The following SLC24A3 variants were observed in gnomAD, a reference collection of about 807,000 sequenced individuals.
The protein encoded by SLC24A3 is solute carrier family 24 member 3, also known as sodium/potassium/calcium exchanger 3.
A neutral mutation model predicts 75.8 loss-of-function variants in SLC24A3; 28 were observed. The observed-to-expected ratio is 0.37, with a 90% CI of 0.27 to 0.51. SLC24A3 has a LOEUF of 0.51. SLC24A3 is among the 20% of genes least tolerant of loss of function. The probability of loss-of-function intolerance (pLI) is 0.94; values close to 1 mark genes in which losing one functional copy is unlikely to be tolerated. For missense variants in SLC24A3, 663 were observed against 847.8 expected (o/e 0.78, Z 2.71); for synonymous variants, 372 against 334.1 (o/e 1.11, Z -1.24).
At chr20:19,446,536 C>T (rs1318232902) in intron 2 of SLC24A3, among the ~76,000 whole-genome samples, 1 of 152,130 alleles carries the variant, frequency 6.6e-6, no homozygotes, top group Non-Finnish European at 1.5e-5. Flanking sequence ...TAAAGGATGG[C>T]GTTACTCTTA....
intron 2 of SLC24A3, among the ~76,000 whole-genome samples, chr20:19,502,667 G>T (rs1484707020): frequency 2.0e-5 from 3 of 151,912 alleles, no homozygotes; most frequent in Non-Finnish European, 2.9e-5. Context: ...ACTCAACACT[G>T]TTCAGAGGAA....
chr20:19,526,732 G>C (rs1466560485), intron 3 of SLC24A3, among the ~76,000 whole-genome samples: 11 of 152,160 alleles, frequency 7.2e-5, no homozygotes, highest in Admixed American at 6.5e-4. Context: ...CCCCAGCCTT[G>C]CTGTTTTTTA....
At position 19,400,515 on chromosome 20, in the gene SLC24A3, C is replaced by T. The variant is rs544500886; in HGVS notation, c.272-114973C>T. On this transcript the variant is annotated intron_variant, in intron 2 of 16. Transcript: ENST00000328041. Reference sequence around the variant, plus strand: ...CGGGCGCTGTGACCTCTAACCTCTTCGAGTGGTTCTTTCCCAGGTAGGCTC... The same window carrying T: ...CGGGCGCTGTGACCTCTAACCTCTTTGAGTGGTTCTTTCCCAGGTAGGCTC... 4.5e-4 allele frequency among the ~76,000 whole-genome samples: 68 copies of T among 152,262 alleles called. 1 individual carries two copies. The highest frequency in any genetic ancestry group is 1.5e-3 in the African/African-American group (64 of 41,550).
At chr20:19,710,247 T>C (rs918081606) in intron 15 of SLC24A3, among the ~76,000 whole-genome samples, 8 of 152,208 alleles carry the variant, frequency 5.3e-5, no homozygotes, top group Admixed American at 1.3e-4. Context: ...TAAACTGTAG[T>C]ATTAGGGAAA....
intron 2 of SLC24A3, among the ~76,000 whole-genome samples, chr20:19,507,192 T>C (rs115331543): frequency 9.9e-4 from 151 of 152,382 alleles, no homozygotes; most frequent in African/African-American, 3.5e-3. Context: ...GTGATTTGTG[T>C]GCCAGGTATT....
At chr20:19,511,685 A>G (rs1384204466) in intron 2 of SLC24A3, among the ~76,000 whole-genome samples, 1 of 152,126 alleles carries the variant, frequency 6.6e-6, no homozygotes, top group Non-Finnish European at 1.5e-5. Flanking sequence ...TCAAATGATA[A>G]TGCATATCTA....
chr20:19,336,442 G>C (rs1285302298), intron 2 of SLC24A3, among the ~76,000 whole-genome samples: 2 of 151,228 alleles, frequency 1.3e-5, no homozygotes, highest in Admixed American at 6.6e-5. Context: ...TGTCACCCAG[G>C]CTGGCATGCC....
chr20:19,463,233 C>T (rs545648166), intron 2 of SLC24A3, among the ~76,000 whole-genome samples: 1 of 152,182 alleles, frequency 6.6e-6, no homozygotes, highest in African/African-American at 2.4e-5. Context: ...TTCTCTCTAT[C>T]GTAAACACAC....
rs2032675545 is a variant in SLC24A3 at position 19,686,381 on chromosome 20, TCACCC to T, written c.1324+1031_1324+1035del. Among the ~76,000 whole-genome samples the T allele has an allele frequency of 1.3e-5, 2 of 152,166 alleles. 1 individual carries two copies. The highest frequency in any genetic ancestry group is 4.2e-4 in the South Asian group (2 of 4,816). ...GGACTTGGTTGTTCCAGAAACTGTT[TCACCC>T]CACCCCACCCATTATCAGAGCAGGT... On this transcript the variant is annotated intron_variant, in intron 12 of 16. Coordinates refer to ENST00000328041, the MANE Select transcript of SLC24A3 (RefSeq NM_020689.4).
At chr20:19,718,020 C>T (rs1018123856) in intron 16 of SLC24A3, among the ~76,000 whole-genome samples, 10 of 152,160 alleles carry the variant, frequency 6.6e-5, no homozygotes, top group African/African-American at 2.4e-4. Flanking sequence ...GCCATTACGC[C>T]CACTTGCGTA....
intron 3 of SLC24A3, among the ~76,000 whole-genome samples, chr20:19,518,431 G>C (rs1410790650): frequency 1.3e-5 from 2 of 152,236 alleles, no homozygotes; most frequent in African/African-American, 4.8e-5. Context: ...GTGCTGTGCT[G>C]TGGGAGCTTA....
At position 19,572,467 on chromosome 20, in the gene SLC24A3, T is replaced by G. The variant is rs2031068598; in HGVS notation, c.349-7533T>G. 3.3e-5 allele frequency among the ~76,000 whole-genome samples: 5 copies of G among 151,838 alleles called. No homozygotes were observed. The South Asian group carries it at 1.1e-3, about 32-fold the overall frequency. ...TGGAGACAGCCTAGAGTTAGCCCAC[T>G]CAGGGGTACTGATATGCCAACTCTC... On this transcript the variant is annotated intron_variant, in intron 3 of 16. Transcript: ENST00000328041.
chr20:19,665,561 TC>T (rs1464015370), intron 7 of SLC24A3, among the ~76,000 whole-genome samples: 1 of 152,172 alleles, frequency 6.6e-6, no homozygotes, highest in African/African-American at 2.4e-5. Context: ...TAGTCACACT[TC>T]CCTGTCACTC....
intron 1 of SLC24A3, among the ~76,000 whole-genome samples, chr20:19,262,455 C>T (rs1315799446): frequency 1.3e-5 from 2 of 151,232 alleles, no homozygotes; most frequent in African/African-American, 4.9e-5. Flanking sequence ...ACATCAGTAG[C>T]TCTCTCTGAT....
At chr20:19,344,713 C>T (rs921390666) in intron 2 of SLC24A3, among the ~76,000 whole-genome samples, 4 of 152,162 alleles carry the variant, frequency 2.6e-5, no homozygotes, top group South Asian at 2.1e-4. Context: ...TATTGGTTGA[C>T]GTTTGCTTCT....
chr20:19,601,220 T>G (rs934529297), intron 6 of SLC24A3, among the ~76,000 whole-genome samples: 4 of 152,204 alleles, frequency 2.6e-5, no homozygotes, highest in African/African-American at 4.8e-5. Context: ...TGGCTTGGGC[T>G]TTCTGCCCAG....
At chr20:19,346,061 A>G (rs1985390162) in intron 2 of SLC24A3, among the ~76,000 whole-genome samples, 2 of 84,210 alleles carry the variant, frequency 2.4e-5, no homozygotes, top group African/African-American at 1.2e-4. Context: ...GAATAAAGAA[A>G]ACTATATATA....
intron 2 of SLC24A3, among the ~76,000 whole-genome samples, chr20:19,418,686 A>G (rs1442076778): frequency 1.3e-5 from 2 of 151,130 alleles, no homozygotes; most frequent in East Asian, 3.9e-4. Flanking sequence ...AATATAATAT[A>G]TAATATAATA....
At chr20:19,582,179 C>T (rs1412623324) in intron 4 of SLC24A3, among the ~76,000 whole-genome samples, 3 of 152,222 alleles carry the variant, frequency 2.0e-5, no homozygotes, top group Admixed American at 2.0e-4. Flanking sequence ...TACACTTTCT[C>T]ACAAGATGAG....
Sources: gnomAD v4.1 joint callset for allele counts (sites outside exome capture counted in the v4.1 genomes callset) on GRCh38, gnomAD v4.1.1 for gene constraint, MANE v1.5 for transcripts, NCBI Gene and HGNC (gene_info 2026-07-23, HGNC 2026-07-21) for gene names.